The following FYN variants were observed in gnomAD, a reference collection of about 807,000 sequenced individuals.
FYN encodes the protein FYN proto-oncogene, Src family tyrosine kinase.
A neutral mutation model predicts 70.2 loss-of-function variants in FYN; 10 were observed. That is an observed-to-expected ratio of 0.14 (90% CI 0.09 to 0.24). The LOEUF (loss-of-function observed/expected upper bound fraction) is 0.24. Among genes scored for constraint, FYN ranks in the 10% least tolerant of loss-of-function variants. The probability of loss-of-function intolerance (pLI) is 1.00; values close to 1 mark genes in which losing one functional copy is unlikely to be tolerated. For missense variants in FYN, 319 were observed against 673.1 expected (o/e 0.47, Z 5.82); for synonymous variants, 236 against 248.6 (o/e 0.95, Z 0.48).
chr6:111,864,963 G>A (rs901372598), intron 1 of FYN, among the ~76,000 whole-genome samples: 2 of 152,112 alleles, frequency 1.3e-5, no homozygotes, highest in African/African-American at 4.8e-5. Context: ...ACATGCCTCC[G>A]AGTTCAATAA....
At chr6:111,690,310 G>GTGACCAGGCCCTCA (rs1799261468) in intron 12 of FYN, among the ~76,000 whole-genome samples, 3 of 152,114 alleles carry the variant, frequency 2.0e-5, no homozygotes, top group African/African-American at 7.2e-5. Flanking sequence ...GGGGAGGGCT[G>GTGACCAGGCCCTCA]GAAGGCTGAG....
At chr6:111,769,679 A>C (rs1481646227) in intron 3 of FYN, among the ~76,000 whole-genome samples, 1 of 152,200 alleles carries the variant, frequency 6.6e-6, no homozygotes, top group Non-Finnish European at 1.5e-5. Context: ...CTAGCTAGTA[A>C]ATATTTTATG....
intron 2 of FYN, among the ~76,000 whole-genome samples, chr6:111,820,860 C>G (rs1030736635): frequency 1.3e-5 from 2 of 152,052 alleles, no homozygotes; most frequent in African/African-American, 4.8e-5. Flanking sequence ...TTTATGCAGA[C>G]CAGGGTCAGT....
rs535160896 is a variant in FYN at position 111,807,319 on chromosome 6, G to A, written c.-81-26684C>T. On this transcript the variant is annotated intron_variant, in intron 2 of 13. Coordinates refer to ENST00000354650, the MANE Select transcript of FYN (RefSeq NM_002037.5). ...GCTTTACTCCTGGATAATGGAAAAT[G>A]GCCTCTTCAGAATCTTGTGCAGTGA... 9.2e-5 allele frequency among the ~76,000 whole-genome samples: 14 copies of A among 152,294 alleles called. No homozygotes were observed. The South Asian group carries it at 2.9e-3, about 32-fold the overall frequency.
intron 8 of FYN, among the ~76,000 whole-genome samples, chr6:111,701,321 GC>G (rs1799823376): frequency 6.6e-6 from 1 of 152,206 alleles, no homozygotes; most frequent in African/African-American, 2.4e-5. Flanking sequence ...GACAGAGCCT[GC>G]CTTGTGAGGT....
chr6:111,832,461 C>T (rs554403650), intron 2 of FYN, among the ~76,000 whole-genome samples: 1 of 152,304 alleles, frequency 6.6e-6, no homozygotes, highest in East Asian at 1.9e-4. Context: ...GATTCCTCTA[C>T]ATAAACTGTC....
At chr6:111,777,348 A>T (rs542217522) in intron 3 of FYN, among the ~76,000 whole-genome samples, 1 of 151,596 alleles carries the variant, frequency 6.6e-6, no homozygotes, top group East Asian at 1.9e-4. Context: ...TCAAATGTTA[A>T]GATATTTCCA....
intron 3 of FYN, among the ~76,000 whole-genome samples, chr6:111,730,586 C>T (rs925760482): frequency 3.3e-5 from 5 of 152,088 alleles, no homozygotes; most frequent in Admixed American, 6.5e-5. Flanking sequence ...GGGAAGGGGG[C>T]CTGCCCTCGC....
At chr6:111,834,286 TCA>T (rs976146234) in intron 2 of FYN, among the ~76,000 whole-genome samples, 3 of 152,020 alleles carry the variant, frequency 2.0e-5, no homozygotes, top group African/African-American at 7.3e-5. Context: ...TATTTCTCTC[TCA>T]CACACACACA....
At chr6:111,671,092 T>C (rs748675532) in intron 13 of FYN, among the ~76,000 whole-genome samples, 9 of 152,226 alleles carry the variant, frequency 5.9e-5, no homozygotes, top group Non-Finnish European at 1.0e-4. Flanking sequence ...CCATACTTGT[T>C]ACACATCTCG....
intron 13 of FYN, among the ~76,000 whole-genome samples, chr6:111,674,290 G>A (rs921649649): frequency 6.6e-6 from 1 of 152,168 alleles, no homozygotes; most frequent in Admixed American, 6.5e-5. Context: ...CATTAATCCT[G>A]GCACACAGTT....
chr6:111,765,136 TGCACACAGGGTGTGTGCACACATGA>T (rs1005689185), intron 3 of FYN, among the ~76,000 whole-genome samples: 20 of 151,990 alleles, frequency 1.3e-4, no homozygotes, highest in African/African-American at 1.7e-4. Context: ...AGAGGAGACC[TGCACACAGGGTGTGTGCACACATGA>T]GCACACACAC....
At position 111,661,540 on chromosome 6, in the gene FYN, C is replaced by T. The variant is rs376330544; in HGVS notation, c.*199G>A. ...TCTGAGAAATAACAAGGTTCTGTCT[C>T]GAATGCTTCACAGAGGAGGTTCGGA... On this transcript the variant is annotated 3_prime_UTR_variant, in exon 14 of 14. Coordinates refer to ENST00000354650, the MANE Select transcript of FYN (RefSeq NM_002037.5). This position sits in a 1 kb window ranked among gnomAD's most constrained non-coding sequence, Gnocchi z 4.0. The T allele has an allele frequency of 6.3e-4, 359 of 572,022 alleles. 3 individuals carry two copies. Among genetic ancestry groups the T allele is most frequent in the African/African-American group, 5.7e-3 (304 of 53,676 alleles). The allele number at this position is 572,022 out of a possible 1,614,324, so 35.4% of individuals were successfully genotyped here. A position where few individuals can be genotyped will look rare whatever the true frequency, so the allele number is the denominator to read the frequency against.
chr6:111,852,343 G>C (rs1773708021), intron 1 of FYN, among the ~76,000 whole-genome samples: 1 of 152,186 alleles, frequency 6.6e-6, no homozygotes. Context: ...TAGAGGATGA[G>C]GGTGTGACCA....
intron 1 of FYN, among the ~76,000 whole-genome samples, chr6:111,871,086 C>T (rs1367779814): frequency 7.2e-5 from 11 of 152,120 alleles, no homozygotes; most frequent in East Asian, 5.8e-4. Context: ...TAAAAATAGT[C>T]GAGGAGCCAT....
intron 1 of FYN, among the ~76,000 whole-genome samples, chr6:111,860,716 G>A (rs1274198064): frequency 6.6e-6 from 1 of 152,144 alleles, no homozygotes. Context: ...ACCCATAGAG[G>A]CATCTGGTTC....
chr6:111,723,373 AAATT>A (rs1210472823), intron 3 of FYN, among the ~76,000 whole-genome samples: 2 of 152,180 alleles, frequency 1.3e-5, no homozygotes, highest in Non-Finnish European at 2.9e-5. Context: ...TTAAATAAAT[AAATT>A]AAAAATAATC....
chr6:111,665,709 C>T (rs934023331), intron 13 of FYN, among the ~76,000 whole-genome samples: 3 of 151,680 alleles, frequency 2.0e-5, no homozygotes, highest in African/African-American at 7.3e-5. Flanking sequence ...GCAGCCTCCA[C>T]CTCCCAGGTT....
chr6:111,803,288 T>C (rs1349592043), intron 2 of FYN, among the ~76,000 whole-genome samples: 1 of 152,268 alleles, frequency 6.6e-6, no homozygotes, highest in Non-Finnish European at 1.5e-5. Flanking sequence ...ACTTCAAATA[T>C]TTGGGCTTCA....
Sources: allele counts gnomAD v4.1 joint callset (sites outside exome capture counted in the v4.1 genomes callset), GRCh38; gene constraint gnomAD v4.1.1; non-coding constraint Gnocchi (gnomAD v3.1); transcripts MANE v1.5; gene names NCBI Gene and HGNC (gene_info 2026-07-23, HGNC 2026-07-21).